FGD4: variants seen among roughly 807,000 people sequenced by gnomAD.
FGD4 encodes FYVE, RhoGEF and PH domain containing 4.
FGD4 carries 42 observed loss-of-function variants against 102.0 expected under a neutral mutation model. That is an observed-to-expected ratio of 0.41 (90% CI 0.32 to 0.53). The LOEUF (loss-of-function observed/expected upper bound fraction) is 0.53, where lower values mean the gene tolerates loss of function less well. Among genes scored for constraint, FGD4 ranks in the 20% least tolerant of loss-of-function variants. The probability of loss-of-function intolerance (pLI) is 0.21; values close to 1 mark genes in which losing one functional copy is unlikely to be tolerated. For synonymous variants in FGD4, 380 were observed against 375.7 expected, an observed-to-expected ratio of 1.01 and a Z score of -0.13; for missense variants, 902 against 1,078.2, an observed-to-expected ratio of 0.84 and a Z score of 2.29.
At chr12:32,459,952 C>T (rs1389504987) in intron 1 of FGD4, among the ~76,000 whole-genome samples, 4 of 151,964 alleles carry the variant, frequency 2.6e-5, no homozygotes, top group Non-Finnish European at 4.4e-5. Flanking sequence ...GTGATCCCCC[C>T]ACCTCAGCCT....
chr12:32,565,050 C>G (rs1434065592), intron 2 of FGD4, among the ~76,000 whole-genome samples: 1 of 152,158 alleles, frequency 6.6e-6, no homozygotes, highest in African/African-American at 2.4e-5. Context: ...AGAAATAATA[C>G]TGGGCATTGT....
At chr12:32,599,399 C>T (rs377511420) in intron 5 of FGD4, among the ~76,000 whole-genome samples, 116 of 133,648 alleles carry the variant, frequency 8.7e-4, no homozygotes, top group Middle Eastern at 3.8e-3. Context: ...GAGGCTGAGG[C>T]AGGAGAATGG....
At chr12:32,624,134 T>C (rs1442585678) in intron 11 of FGD4, among the ~76,000 whole-genome samples, 1 of 152,168 alleles carries the variant, frequency 6.6e-6, no homozygotes, top group Non-Finnish European at 1.5e-5. Flanking sequence ...ATAGATACAG[T>C]TACCTGATAT....
At chr12:32,416,817 G>C (rs975398304) in intron 1 of FGD4, among the ~76,000 whole-genome samples, 1 of 151,386 alleles carries the variant, frequency 6.6e-6, no homozygotes, top group African/African-American at 2.4e-5. Flanking sequence ...TTATATTCCT[G>C]TTTTTCTGTG....
chr12:32,525,146 G>A (rs1375617326), intron 1 of FGD4, among the ~76,000 whole-genome samples: 2 of 152,122 alleles, frequency 1.3e-5, no homozygotes, highest in Non-Finnish European at 2.9e-5. Flanking sequence ...GTTGTCTAGT[G>A]TACCTTTGCT....
chr12:32,578,535 T>C (rs1197727217), intron 3 of FGD4, among the ~76,000 whole-genome samples: 2 of 152,128 alleles, frequency 1.3e-5, no homozygotes, highest in South Asian at 4.1e-4. Context: ...ATACTGTTGT[T>C]AAGACCTTAC....
chr12:32,529,506 T>C (rs565254235), intron 1 of FGD4, among the ~76,000 whole-genome samples: 1 of 152,244 alleles, frequency 6.6e-6, no homozygotes, highest in East Asian at 1.9e-4. Context: ...AATTTTCCTG[T>C]TACTTTTTTG....
intron 1 of FGD4, among the ~76,000 whole-genome samples, chr12:32,503,216 G>GT (rs1039329130): frequency 3.3e-5 from 5 of 152,000 alleles, no homozygotes; most frequent in East Asian, 1.9e-4. Context: ...AGTTTTTTTT[G>GT]TTTTTTTATC....
intron 1 of FGD4, among the ~76,000 whole-genome samples, chr12:32,529,285 C>T (rs947466395): frequency 6.6e-6 from 1 of 151,926 alleles, no homozygotes; most frequent in African/African-American, 2.4e-5. Context: ...CACCACCACG[C>T]CCAGTTAATT....
At chr12:32,580,828 A>G (rs1394458328) in intron 3 of FGD4, among the ~76,000 whole-genome samples, 2 of 151,500 alleles carry the variant, frequency 1.3e-5, no homozygotes, top group East Asian at 3.9e-4. Flanking sequence ...CGTAGCTTGC[A>G]GTGAGCCAAG....
intron 6 of FGD4, among the ~76,000 whole-genome samples, chr12:32,601,895 C>T (rs1948452236): frequency 6.6e-6 from 1 of 152,098 alleles, no homozygotes; most frequent in Non-Finnish European, 1.5e-5. Flanking sequence ...TCCCTTGAGC[C>T]CAGGAGTTCA....
intron 4 of FGD4, 51 bp downstream of exon 4, chr12:32,582,518 G>A: frequency 1.3e-6 from 2 of 1,599,124 alleles, no homozygotes; most frequent in Middle Eastern, 1.7e-4. Context: ...CTATTCGATT[G>A]TTGTCTTAAA....
At chr12:32,553,659 T>C (rs1003125414) in intron 1 of FGD4, among the ~76,000 whole-genome samples, 1 of 152,216 alleles carries the variant, frequency 6.6e-6, no homozygotes, top group African/African-American at 2.4e-5. Context: ...TTTGAGTTTA[T>C]ATTACCTTTG....
intron 1 of FGD4, among the ~76,000 whole-genome samples, chr12:32,409,944 T>G (rs570115197): frequency 1.3e-5 from 2 of 151,158 alleles, no homozygotes. Flanking sequence ...ATTGGGAGGA[T>G]TGCTTGAGTT....
chr12:32,586,988 C>T (rs1947093213), intron 4 of FGD4, among the ~76,000 whole-genome samples: 1 of 151,940 alleles, frequency 6.6e-6, no homozygotes, highest in South Asian at 2.1e-4. Flanking sequence ...GTCAGGAGTT[C>T]GAGACCAGCC....
chr12:32,592,977 G>T (rs989434214), intron 4 of FGD4, among the ~76,000 whole-genome samples: 1 of 152,164 alleles, frequency 6.6e-6, no homozygotes, highest in Non-Finnish European at 1.5e-5. Context: ...ACATATCACA[G>T]TCTTGGGTTT....
intron 16 of FGD4, among the ~76,000 whole-genome samples, chr12:32,639,086 G>A (rs995268054): frequency 4.6e-5 from 7 of 152,126 alleles, no homozygotes; most frequent in African/African-American, 1.2e-4. Context: ...GGAAGCAAAC[G>A]GGAGAAACAA....
At chr12:32,510,181 A>G (rs536262605) in intron 1 of FGD4, among the ~76,000 whole-genome samples, 17 of 152,238 alleles carry the variant, frequency 1.1e-4, no homozygotes, top group Non-Finnish European at 2.5e-4. Context: ...TTATCACATC[A>G]TATCAGGTGT....
intron 11 of FGD4, among the ~76,000 whole-genome samples, chr12:32,621,640 G>A (rs570873593): frequency 6.6e-6 from 1 of 152,322 alleles, no homozygotes; most frequent in East Asian, 1.9e-4. Context: ...GGCAGGCTGG[G>A]AAAGTTTGAA....
Sources: allele counts gnomAD v4.1 joint callset (sites outside exome capture counted in the v4.1 genomes callset), GRCh38; gene constraint gnomAD v4.1.1; transcripts MANE v1.5; gene names NCBI Gene and HGNC (gene_info 2026-07-23, HGNC 2026-07-21).